The following ANK3 variants were observed in gnomAD, a reference collection of about 807,000 sequenced individuals.
ANK3 encodes the protein ankyrin 3, also known as ankyrin-3.
In ANK3, 57 loss-of-function variants were observed where a neutral mutation model predicts 370.9. The observed-to-expected ratio is 0.15, with a 90% confidence interval of 0.12 to 0.19. The LOEUF (loss-of-function observed/expected upper bound fraction) is 0.19, where lower values mean the gene tolerates loss of function less well. ANK3 is among the 10% of genes least tolerant of loss of function. ANK3 has a pLI of 1.00. For missense variants in ANK3, 4,439 were observed against 5,302.1 expected, an observed-to-expected ratio of 0.84 and a Z score of 5.06; for synonymous variants, 1,929 against 1,946.3, an observed-to-expected ratio of 0.99 and a Z score of 0.23.
chr10:60,475,348 T>A (rs1437026130), intron 2 of ANK3, among the ~76,000 whole-genome samples: 1 of 152,208 alleles, frequency 6.6e-6, no homozygotes, highest in African/African-American at 2.4e-5. Context: ...ATGATTATAC[T>A]GTAACTATAG....
intron 1 of ANK3, among the ~76,000 whole-genome samples, chr10:60,371,992 G>A (rs1239269298): frequency 1.3e-5 from 2 of 152,112 alleles, no homozygotes. Flanking sequence ...GAGGCATAAG[G>A]TAATGGGAAA....
intron 21 of ANK3, among the ~76,000 whole-genome samples, chr10:60,167,897 A>G (rs564909347): frequency 3.7e-4 from 56 of 152,284 alleles, no homozygotes; most frequent in African/African-American, 1.3e-3. Context: ...TAATACTGCA[A>G]TGGAGCAGTT....
chr10:60,576,453 C>A (rs1028333225), intron 2 of ANK3, among the ~76,000 whole-genome samples: 1 of 152,134 alleles, frequency 6.6e-6, no homozygotes, highest in Non-Finnish European at 1.5e-5. Flanking sequence ...AGCTATCTTC[C>A]GCATAAAATT....
intron 7 of ANK3, among the ~76,000 whole-genome samples, chr10:60,252,347 C>T (rs1231278088): frequency 6.6e-6 from 1 of 152,214 alleles, no homozygotes; most frequent in African/African-American, 2.4e-5. Context: ...CGTGCTGGAA[C>T]ATTTAGCAGA....
intron 1 of ANK3, among the ~76,000 whole-genome samples, chr10:60,377,906 A>G (rs577337928): frequency 2.0e-4 from 31 of 152,310 alleles, no homozygotes; most frequent in African/African-American, 7.2e-4. Flanking sequence ...TTTGACACCT[A>G]CCAATTATTT....
At chr10:60,138,337 G>A (rs1353173454) in intron 24 of ANK3, among the ~76,000 whole-genome samples, 2 of 152,172 alleles carry the variant, frequency 1.3e-5, no homozygotes, top group Non-Finnish European at 2.9e-5. Context: ...TTTGAGTCAA[G>A]GTTTTCCCAT....
In ANK3 at chr10:60,196,194, A is replaced by G. The variant is rs1385502734; in HGVS notation, c.1838T>C (p.Val613Ala). The change falls in exon 16 of 44, where the codon GTG (valine) becomes GCG (alanine). Residue 613 changes from valine (V) to alanine (A), a missense_variant. Around this residue, in one of 13 missense-constraint regions of ANK3, gnomAD observed 192 missense variants for 192.1 expected, o/e 1.00. Coordinates refer to ENST00000280772, the MANE Select transcript of ANK3 (RefSeq NM_020987.5). ...HVAAHYDNQK[V>A]ALLLLDQGAS... ...TCCTTGGTCCAAAAGCAGAAGGGCC[A>G]CTTTCTGATTATCGTAATGTGCAGC... 6.2e-7 allele frequency: 1 copy of G among 1,614,028 alleles called. No homozygotes were observed. The highest frequency in any genetic ancestry group is 2.2e-5 in the East Asian group (1 of 44,878).
chr10:60,368,230 TACACACAC>T (rs3045441), intron 1 of ANK3, among the ~76,000 whole-genome samples: 1 of 149,532 alleles, frequency 6.7e-6, no homozygotes, highest in African/African-American at 2.5e-5. Flanking sequence ...CTAGTGCATG[TACACACAC>T]ACACACACAC....
At chr10:60,470,811 C>A (rs1359858951) in intron 2 of ANK3, among the ~76,000 whole-genome samples, 2 of 151,934 alleles carry the variant, frequency 1.3e-5, no homozygotes, top group Non-Finnish European at 2.9e-5. Flanking sequence ...AACAAACAAA[C>A]AAAAAACAAG....
chr10:60,691,225 A>T (rs1211739687), intron 1 of ANK3, among the ~76,000 whole-genome samples: 2 of 152,154 alleles, frequency 1.3e-5, no homozygotes, highest in African/African-American at 4.8e-5. Flanking sequence ...GGGTGACAGG[A>T]TCATTCATAC....
chr10:60,092,022 C>G (rs1417918237), intron 28 of ANK3, among the ~76,000 whole-genome samples: 4 of 152,236 alleles, frequency 2.6e-5, no homozygotes, highest in Admixed American at 2.6e-4. Context: ...AGCCACCGCG[C>G]CAGGCTACGT....
At chr10:60,125,585 G>A (rs1294650902) in intron 25 of ANK3, among the ~76,000 whole-genome samples, 1 of 152,162 alleles carries the variant, frequency 6.6e-6, no homozygotes, top group African/African-American at 2.4e-5. Flanking sequence ...TCTGAGGCTG[G>A]CTACCTTCTG....
chr10:60,386,431 CA>C (rs979431807), intron 1 of ANK3, among the ~76,000 whole-genome samples: 3 of 150,950 alleles, frequency 2.0e-5, no homozygotes, highest in African/African-American at 7.3e-5. Context: ...TTCCTTTCAA[CA>C]AATAGGAAGA....
rs901710400 is a variant in ANK3, at chr10:60,070,941, C to T, written c.9940G>A (p.Val3314Ile). 36 of 1,613,944 alleles carry T rather than the reference C, an allele frequency of 2.2e-5. No homozygotes were observed. The highest frequency in any genetic ancestry group is 8.3e-5 in the Admixed American group (5 of 59,992). Residue 3314 changes from valine to isoleucine, a missense_variant, in exon 37 of 44, where the codon GTC becomes ATC. Physicochemically the swap from Val to Ile is conservative, Grantham distance 29 (BLOSUM62 3). Transcript: ENST00000280772. The surrounding 1 kb of genome is among the most constrained non-coding windows in gnomAD (Gnocchi z 5.7). ...PPSPVPPGADVSDSSDDESIY... is the reference protein window; with the variant it reads ...PPSPVPPGADISDSSDDESIY... ...GATTCGTCATCGCTTGAATCACTGA[C>T]GTCTGCCCCGGGAGGAACTGGTGAA...
chr10:60,300,181 C>T (rs1272146121), intron 1 of ANK3: 1 of 444,526 alleles, frequency 2.2e-6, no homozygotes, highest in Non-Finnish European at 4.4e-6. Flanking sequence ...ACATATTTAA[C>T]TCAAGTGATC....
chr10:60,094,976 A>C (rs935091131), intron 28 of ANK3, among the ~76,000 whole-genome samples: 1 of 152,230 alleles, frequency 6.6e-6, no homozygotes, highest in African/African-American at 2.4e-5. Flanking sequence ...AGTGCTGGAA[A>C]ATAGAGAACG....
At chr10:60,358,898 A>G (rs569966853) in intron 1 of ANK3, among the ~76,000 whole-genome samples, 8 of 152,018 alleles carry the variant, frequency 5.3e-5, no homozygotes, top group South Asian at 4.2e-4. Context: ...CTCAAATGTC[A>G]TCTCTTCTGA....
chr10:60,301,383 T>C (rs531893414), intron 1 of ANK3, among the ~76,000 whole-genome samples: 11 of 143,668 alleles, frequency 7.7e-5, no homozygotes, highest in African/African-American at 1.6e-4. Context: ...CACACACACA[T>C]ACATACATAC....
intron 1 of ANK3, among the ~76,000 whole-genome samples, chr10:60,697,606 T>A (rs1240833237): frequency 1.0e-3 from 146 of 142,128 alleles, no homozygotes; most frequent in African/African-American, 3.6e-3. Context: ...GCCGCATATC[T>A]ACAACTATCT....
Sources: allele counts gnomAD v4.1 joint callset (sites outside exome capture counted in the v4.1 genomes callset), GRCh38; gene constraint gnomAD v4.1.1; regional missense constraint gnomAD v4.1.1; non-coding constraint Gnocchi (gnomAD v3.1); transcripts MANE v1.5; gene names NCBI Gene and HGNC (gene_info 2026-07-23, HGNC 2026-07-21).